Variants in NRXN3 observed in about 807,000 individuals in gnomAD.
NRXN3 encodes neurexin III.
In NRXN3, 32 loss-of-function variants were observed where a neutral mutation model predicts 137.6. The ratio of observed to expected loss-of-function variants is 0.23; its 90% CI spans 0.18 to 0.31. The LOEUF (loss-of-function observed/expected upper bound fraction) is 0.31, where lower values mean the gene tolerates loss of function less well. Among genes scored for constraint, NRXN3 ranks in the 10% least tolerant of loss-of-function variants. The pLI is 1.00. For missense variants in NRXN3, 1,574 were observed against 2,062.5 expected (o/e 0.76, Z 4.59); for synonymous variants, 798 against 784.5 (o/e 1.02, Z -0.29).
chr14:78,763,866 C>T (rs114103876), intron 8 of NRXN3, among the ~76,000 whole-genome samples: 38 of 152,276 alleles, frequency 2.5e-4, no homozygotes, highest in African/African-American at 8.9e-4. Flanking sequence ...GATTTAATCC[C>T]TTGGCATTTC....
intron 15 of NRXN3, among the ~76,000 whole-genome samples, chr14:79,206,297 G>A (rs1301669384): frequency 6.6e-6 from 1 of 152,178 alleles, no homozygotes; most frequent in African/African-American, 2.4e-5. Context: ...TTCGGAGGCA[G>A]GTAATATTAT....
intron 4 of NRXN3, among the ~76,000 whole-genome samples, chr14:78,542,487 C>G (rs1462484388): frequency 6.6e-6 from 1 of 152,232 alleles, no homozygotes; most frequent in Non-Finnish European, 1.5e-5. Context: ...GTGTGTGACC[C>G]ATCGAGCCAG....
intron 4 of NRXN3, among the ~76,000 whole-genome samples, chr14:78,518,515 A>G (rs1033441591): frequency 1.3e-5 from 2 of 152,142 alleles, no homozygotes; most frequent in Admixed American, 1.3e-4. Flanking sequence ...GTAGCTTGAG[A>G]ACCAATGAGA....
At chr14:79,329,261 A>G (rs2091338317) in intron 15 of NRXN3, among the ~76,000 whole-genome samples, 1 of 152,222 alleles carries the variant, frequency 6.6e-6, no homozygotes, top group South Asian at 2.1e-4. Context: ...GTGAAGTGGC[A>G]AGAAACAATG....
At chr14:79,621,312 A>G (rs1424842) in intron 16 of NRXN3, among the ~76,000 whole-genome samples, 20,854 of 152,174 alleles carry the variant, frequency 0.14, 1,603 homozygotes, top group South Asian at 0.25. Context: ...GCAACCCTCA[A>G]TTTCAAAGAG....
intron 15 of NRXN3, among the ~76,000 whole-genome samples, chr14:79,167,172 G>A (rs1422032060): frequency 2.6e-5 from 4 of 151,972 alleles, no homozygotes; most frequent in Non-Finnish European, 5.9e-5. Context: ...AGTGATGGTG[G>A]CCACATGATA....
intron 6 of NRXN3, among the ~76,000 whole-genome samples, chr14:78,672,104 A>G (rs962460014): frequency 6.6e-6 from 1 of 152,224 alleles, no homozygotes; most frequent in Admixed American, 6.5e-5. Flanking sequence ...ATCATAAAGA[A>G]ATATAACAAA....
At chr14:78,566,749 C>T (rs950590275) in intron 4 of NRXN3, among the ~76,000 whole-genome samples, 1 of 152,170 alleles carries the variant, frequency 6.6e-6, no homozygotes, top group African/African-American at 2.4e-5. Flanking sequence ...CGTTGCTGCC[C>T]TCTGCTGGGA....
chr14:79,341,225 G>A (rs1163720896), intron 15 of NRXN3, among the ~76,000 whole-genome samples: 1 of 152,120 alleles, frequency 6.6e-6, no homozygotes, highest in Non-Finnish European at 1.5e-5. Context: ...TTACAGGTAG[G>A]GCGGTGGAGC....
intron 15 of NRXN3, among the ~76,000 whole-genome samples, chr14:79,107,539 G>C (rs1219991723): frequency 6.6e-6 from 1 of 152,180 alleles, no homozygotes; most frequent in Admixed American, 6.5e-5. Context: ...GGGTACTCTG[G>C]TTGCTTTATG....
At chr14:78,353,525 C>A (rs1412920457) in intron 4 of NRXN3, among the ~76,000 whole-genome samples, 1 of 152,130 alleles carries the variant, frequency 6.6e-6, no homozygotes, top group Admixed American at 6.5e-5. Context: ...CTCTCGTGAT[C>A]TAACTACCTC....
chr14:79,245,298 T>C (rs1466614712), intron 15 of NRXN3, among the ~76,000 whole-genome samples: 1 of 152,132 alleles, frequency 6.6e-6, no homozygotes, highest in Non-Finnish European at 1.5e-5. Flanking sequence ...CCACACTCTA[T>C]GCACCATGCT....
rs111796546 is a variant in NRXN3, at chr14:79,705,613, C to A, written c.4014+7676C>A. Among the ~76,000 whole-genome samples the A allele has an allele frequency of 2.2e-3, 341 of 152,228 alleles. 1 individual carries two copies. Among genetic ancestry groups the A allele is most frequent in the African/African-American group, 7.9e-3 (327 of 41,572 alleles). On this transcript the variant is annotated intron_variant, in intron 19 of 20. Coordinates refer to ENST00000335750, the MANE Select transcript of NRXN3 (RefSeq NM_001330195.2). Reference sequence around the variant, plus strand: ...GTCTCATTCAATCTTCTCAGCCCTGCCTGAATGTGCCAAGCGTGCCTGTGC... The same window carrying A: ...GTCTCATTCAATCTTCTCAGCCCTGACTGAATGTGCCAAGCGTGCCTGTGC...
intron 15 of NRXN3, among the ~76,000 whole-genome samples, chr14:79,047,975 G>A (rs1430433035): frequency 1.3e-5 from 2 of 152,048 alleles, no homozygotes; most frequent in Non-Finnish European, 2.9e-5. Flanking sequence ...ACATAAAAAT[G>A]TTCACATTAG....
At chr14:78,395,172 T>C (rs1271659717) in intron 4 of NRXN3, among the ~76,000 whole-genome samples, 1 of 151,922 alleles carries the variant, frequency 6.6e-6, no homozygotes, top group Non-Finnish European at 1.5e-5. Context: ...TTTTCTAATA[T>C]ATGCAGTTAG....
intron 4 of NRXN3, among the ~76,000 whole-genome samples, chr14:78,399,902 G>T (rs2091889523): frequency 6.6e-6 from 1 of 152,162 alleles, no homozygotes. Flanking sequence ...CCTCCCTCAA[G>T]ATCCTAATAG....
At position 78,977,182 on chromosome 14, in the gene NRXN3, C is replaced by T. The variant is rs8012811; in HGVS notation, c.3142+8836C>T. Among the ~76,000 whole-genome samples, 509 of 152,178 alleles carry T rather than the reference C, an allele frequency of 3.3e-3. 1 individual carries two copies. The highest frequency in any genetic ancestry group is 0.011 in the African/African-American group (470 of 41,528). ...GCCCATGACCTTTCGCCTATTATGC[C>T]GTATGGTGTGAGTCTGGGTTTGCTT... On this transcript the variant is annotated intron_variant, in intron 14 of 20. Transcript: ENST00000335750.
At chr14:78,826,263 TAC>T (rs1392837802) in intron 10 of NRXN3, among the ~76,000 whole-genome samples, 27 of 152,150 alleles carry the variant, frequency 1.8e-4, no homozygotes, top group Admixed American at 1.6e-3. Flanking sequence ...AACATAGGGA[TAC>T]TCAGGGAGCA....
chr14:78,644,809 T>C (rs1278801992), intron 4 of NRXN3, among the ~76,000 whole-genome samples: 3 of 152,238 alleles, frequency 2.0e-5, no homozygotes, highest in African/African-American at 7.2e-5. Flanking sequence ...CGAGCCTCAC[T>C]TGATCATTTT....
Sources: gnomAD v4.1 joint callset for allele counts (sites outside exome capture counted in the v4.1 genomes callset) on GRCh38, gnomAD v4.1.1 for gene constraint, MANE v1.5 for transcripts, NCBI Gene and HGNC (gene_info 2026-07-23, HGNC 2026-07-21) for gene names.